Variants in TRAK2 observed in about 807,000 individuals in gnomAD.
TRAK2 encodes the protein trafficking kinesin protein 2, also known as trafficking kinesin-binding protein 2.
A neutral mutation model predicts 104.6 loss-of-function variants in TRAK2; 81 were observed. The ratio of observed to expected loss-of-function variants is 0.77; its 90% CI spans 0.65 to 0.93. The LOEUF is 0.93. Among genes scored for constraint, TRAK2 ranks in the 40% least tolerant of loss-of-function variants. The probability of loss-of-function intolerance (pLI) is 0.00; values close to 1 mark genes in which losing one functional copy is unlikely to be tolerated. For missense variants in TRAK2, 1,002 were observed against 1,089.0 expected, an observed-to-expected ratio of 0.92 and a Z score of 1.12; for synonymous variants, 406 against 394.4, an observed-to-expected ratio of 1.03 and a Z score of -0.35.
chr2:201,442,727 T>C (rs1285060032), intron 1 of TRAK2, among the ~76,000 whole-genome samples: 1 of 152,216 alleles, frequency 6.6e-6, no homozygotes, highest in Non-Finnish European at 1.5e-5. Flanking sequence ...TTCCTCCCAC[T>C]GATAAATCCA....
At chr2:201,387,126 C>T (rs530262538) in intron 13 of TRAK2, among the ~76,000 whole-genome samples, 1 of 152,186 alleles carries the variant, frequency 6.6e-6, no homozygotes, top group South Asian at 2.1e-4. Flanking sequence ...AAGTTACACA[C>T]TCAAAATTTC....
chr2:201,410,864 G>T, intron 2 of TRAK2: 1 of 1,590,214 alleles, frequency 6.3e-7, no homozygotes, highest in Non-Finnish European at 8.6e-7. Context: ...GCACCAGCAG[G>T]AGGAACATTC....
At chr2:201,431,552 T>C (rs1951842479) in intron 1 of TRAK2, among the ~76,000 whole-genome samples, 1 of 152,248 alleles carries the variant, frequency 6.6e-6, no homozygotes, top group African/African-American at 2.4e-5. Flanking sequence ...ACTGTCTTCT[T>C]CTGCTGTCAA....
At chr2:201,408,444 C>T (rs1951615685) in intron 2 of TRAK2, among the ~76,000 whole-genome samples, 1 of 151,910 alleles carries the variant, frequency 6.6e-6, no homozygotes, top group Admixed American at 6.6e-5. Flanking sequence ...CCTAGTAATC[C>T]AACAGTTATT....
rs1269503263 is a variant in TRAK2, at chr2:201,389,442, T to G, written c.1255A>C (p.Ile419Leu). 6.2e-7 allele frequency: 1 copy of G among 1,614,122 alleles called. No individual in the cohort carries two copies. The highest frequency in any genetic ancestry group is 8.5e-7 in the Non-Finnish European group (1 of 1,180,014). ...RIANDTRGRS[I>L]SFPALLPIPG... Reference sequence around the variant, plus strand: ...ATGGGTAACAGAGCTGGGAATGAGATAGAGCGGCCCCGTGTGTCATTGGCA... The same window carrying G: ...ATGGGTAACAGAGCTGGGAATGAGAGAGAGCGGCCCCGTGTGTCATTGGCA... The change falls in exon 12 of 16, where the codon ATC becomes CTC. Residue 419 changes from isoleucine (I) to leucine (L), a missense_variant. Transcript: ENST00000332624.
Position 201,401,072 on chromosome 2 carries a change from C to T in TRAK2, c.309G>A (p.Glu103=), listed in dbSNP as rs756457300. The part of the protein sequence containing the change: ...RYMILGTDRV[E]QMTKTYNDID... ...TGTCATTGTAAGTTTTGGTCATCTG[C>T]TCCACCCTGTCTGTGCCTAGAACTA... The change falls in exon 4 of 16, where the codon GAG becomes GAA. Residue 103 remains glutamate (E), a synonymous_variant. Transcript: ENST00000332624. 6.2e-7 allele frequency: 1 copy of T among 1,610,116 alleles called. No individual in the cohort carries two copies. Among genetic ancestry groups the T allele is most frequent in the Admixed American group, 1.7e-5 (1 of 59,880 alleles).
chr2:201,381,172 A>G lies in TRAK2; in HGVS notation c.2116T>C (p.Ser706Pro). 1 of 1,613,622 alleles carries G rather than the reference A, an allele frequency of 6.2e-7. No homozygotes were observed. Among genetic ancestry groups the G allele is most frequent in the Non-Finnish European group, 8.5e-7 (1 of 1,179,836 alleles). The change falls in exon 16 of 16, where the codon TCC becomes CCC. Residue 706 changes from serine (S) to proline (P), a missense_variant. Transcript: ENST00000332624. Reference sequence around the variant, plus strand: ...GCAGGAGAATTCACAGCCGTGTTGGATGAACTGCTACCGCTACTTCCACAG... The same window carrying G: ...GCAGGAGAATTCACAGCCGTGTTGGGTGAACTGCTACCGCTACTTCCACAG... ...LSCGSSGSSS[S>P]NTAVNSPALS...
At chr2:201,429,710 C>T (rs13383002) in intron 1 of TRAK2, among the ~76,000 whole-genome samples, 8,271 of 152,196 alleles carry the variant, frequency 0.054, 411 homozygotes, top group African/African-American at 0.13. Flanking sequence ...TTTTCAGCTC[C>T]CTCAGGTCAT....
chr2:201,396,100 T>C (rs1411401749), intron 7 of TRAK2, among the ~76,000 whole-genome samples: 1 of 152,176 alleles, frequency 6.6e-6, no homozygotes, highest in Non-Finnish European at 1.5e-5. Context: ...CTATCTCATA[T>C]GAAAAATTTG....
chr2:201,392,934 G>A lies in TRAK2; in HGVS notation c.1088C>T (p.Ser363Phe). ...CCCAGTAAAAGCTCCATATGATTGG[G>A]AGAAGTAGAGATGAGCAGTAGGGCC... The part of the protein sequence containing the change: ...RSGPTAHLYF[S>F]QSYGAFTGES... Residue 363 changes from serine to phenylalanine, a missense_variant, in exon 10 of 16, where the codon TCC becomes TTC. Ser to Phe is a radical substitution (Grantham distance 155). Transcript: ENST00000332624. 1 of 1,612,842 alleles carries A rather than the reference G, an allele frequency of 6.2e-7. No individual in the cohort carries two copies. Among genetic ancestry groups the A allele is most frequent in the Non-Finnish European group, 8.5e-7 (1 of 1,179,590 alleles).
rs748137514 is a variant in TRAK2, at chr2:201,420,420, T to G, written c.88A>C (p.Thr30Pro). 3.7e-6 allele frequency: 6 copies of G among 1,613,540 alleles called. No homozygotes were observed. The highest frequency in any genetic ancestry group is 2.2e-5 in the South Asian group (2 of 91,082). Residue 30 changes from threonine (T) to proline (P), a missense_variant, in exon 2 of 16, where the codon ACT (threonine) becomes CCT (proline). Coordinates refer to ENST00000332624, the MANE Select transcript of TRAK2 (RefSeq NM_015049.3). ...ATATTTATTAAACTGGACTTACCAG[T>G]GATGCTCTCCGAGTCTCTGTGATTG... ...NSNHRDSESI[T>P]DVCSNEDLPE...
At position 201,386,425 on chromosome 2, in the gene TRAK2, C is replaced by G; in HGVS notation, c.1756G>C (p.Asp586His). 1 of 1,614,128 alleles carries G rather than the reference C, an allele frequency of 6.2e-7. No homozygotes were observed. The highest frequency in any genetic ancestry group is 8.5e-7 in the Non-Finnish European group (1 of 1,180,012). ...TTAGTAATGACACCTGGTCGTGGAT[C>G]AAGGATGGTTCCCAAGTTTGGTTGA... Reference protein sequence around the residue: ...LAQPNLGTILDPRPGVITKGF... With the variant: ...LAQPNLGTILHPRPGVITKGF... The change falls in exon 14 of 16, where the codon GAT becomes CAT. Residue 586 changes from aspartate (D) to histidine (H), a missense_variant. Coordinates refer to ENST00000332624, the MANE Select transcript of TRAK2 (RefSeq NM_015049.3).
intron 2 of TRAK2, chr2:201,419,573 T>C (rs1951722638): frequency 6.5e-6 from 1 of 154,314 alleles, no homozygotes; most frequent in South Asian, 2.0e-4. Flanking sequence ...GGTGGGGAGA[T>C]CTCTGTACAA....
chr2:201,389,411 C>T lies in TRAK2; in HGVS notation c.1286G>A (p.Gly429Asp). The T allele has an allele frequency of 6.2e-7, 1 of 1,614,092 alleles. No homozygotes were observed. The highest frequency in any genetic ancestry group is 8.5e-7 in the Non-Finnish European group (1 of 1,180,016). ...ISFPALLPIP[G>D]SNRSSVIMTA... ...CATGATGACACTTGAACGGTTGGAG[C>T]CTGGAATGGGTAACAGAGCTGGGAA... is the stretch of plus-strand genomic sequence containing the variant. The change falls in exon 12 of 16, where the codon GGC becomes GAC. Residue 429 changes from glycine to aspartate, a missense_variant. By Grantham distance (94) the Gly-to-Asp change is moderately conservative. Coordinates refer to ENST00000332624, the MANE Select transcript of TRAK2 (RefSeq NM_015049.3).
intron 2 of TRAK2, chr2:201,412,723 A>C (rs1375633248): frequency 1.0e-5 from 14 of 1,405,684 alleles, no homozygotes; most frequent in African/African-American, 1.4e-5. Context: ...ACAACAATCA[A>C]AACCCATTAT....
intron 2 of TRAK2, chr2:201,411,614 C>T (rs1559446687): frequency 1.3e-6 from 1 of 797,612 alleles, no homozygotes; most frequent in Non-Finnish European, 2.3e-6. Flanking sequence ...TAAGATGAGG[C>T]AATACTTTTC....
intron 3 of TRAK2, 48 bp downstream of exon 3, chr2:201,407,355 T>C (rs1477264699): frequency 3.3e-6 from 5 of 1,508,318 alleles, no homozygotes; most frequent in African/African-American, 1.4e-5. Context: ...AAGATACCCA[T>C]GATCATTACT....
intron 1 of TRAK2, among the ~76,000 whole-genome samples, chr2:201,426,035 C>T (rs778943187): frequency 4.6e-5 from 7 of 152,142 alleles, no homozygotes; most frequent in Non-Finnish European, 8.8e-5. Context: ...TTATATGTTT[C>T]GCCTAAGGAC....
chr2:201,389,901 T>C, intron 10 of TRAK2, 21 bp from the exon 11 acceptor site: 1 of 1,595,508 alleles, frequency 6.3e-7, no homozygotes, highest in East Asian at 2.2e-5. Context: ...GAGTTTGAGA[T>C]TTCTAAAGTG....
Sources: allele counts gnomAD v4.1 joint callset (sites outside exome capture counted in the v4.1 genomes callset), GRCh38; gene constraint gnomAD v4.1.1; transcripts MANE v1.5; gene names NCBI Gene and HGNC (gene_info 2026-07-23, HGNC 2026-07-21).